SPATA7: variants seen among roughly 807,000 people sequenced by gnomAD.
SPATA7 encodes spermatogenesis associated 7.
In SPATA7, 43 loss-of-function variants were observed where a neutral mutation model predicts 51.8. The ratio of observed to expected loss-of-function variants is 0.83; its 90% CI spans 0.65 to 1.07. SPATA7 has a LOEUF of 1.07. Among genes scored for constraint, SPATA7 ranks in the 50% least tolerant of loss-of-function variants. The pLI is 0.00. For missense variants in SPATA7, 683 were observed against 701.3 expected (o/e 0.97, Z 0.30); for synonymous variants, 230 against 252.8 (o/e 0.91, Z 0.86).
At chr14:88,421,245 A>G (rs2076633983) in intron 5 of SPATA7, among the ~76,000 whole-genome samples, 1 of 152,186 alleles carries the variant, frequency 6.6e-6, no homozygotes, top group Non-Finnish European at 1.5e-5. Context: ...ACTCAGTGCC[A>G]GGGTTCAGGA....
intron 4 of SPATA7, among the ~76,000 whole-genome samples, chr14:88,396,791 T>G (rs935930611): frequency 6.6e-6 from 1 of 152,206 alleles, no homozygotes; most frequent in Admixed American, 6.5e-5. Flanking sequence ...TGGGTGTATA[T>G]TTAGAAGTGG....
At chr14:88,399,825 A>G (rs111354160) in intron 4 of SPATA7, among the ~76,000 whole-genome samples, 6,294 of 152,306 alleles carry the variant, frequency 0.041, 175 homozygotes, top group South Asian at 0.1. Flanking sequence ...AGAACTCCTA[A>G]ATATATCATG....
rs140192398 is a variant in SPATA7 at position 88,438,050 on chromosome 14, G to A, written c.1428G>A (p.Ser476=). 4.3e-5 allele frequency: 70 copies of A among 1,613,962 alleles called. No individual in the cohort carries two copies. The highest frequency in any genetic ancestry group is 5.7e-5 in the Non-Finnish European group (67 of 1,179,980). Residue 476 remains serine (S), a synonymous_variant, in exon 12 of 12, where the codon TCG becomes TCA. Coordinates refer to ENST00000393545, the MANE Select transcript of SPATA7 (RefSeq NM_018418.5). The part of the protein sequence containing the change: ...QYQKALDMLL[S]APKDENEIFP... ...AAAAGGCTTTGGATATGTTATTGTC[G>A]GCACCAAAGGATGAGAACGAGATAT...
intron 5 of SPATA7, among the ~76,000 whole-genome samples, chr14:88,421,428 A>T (rs1489768761): frequency 6.6e-6 from 1 of 152,196 alleles, no homozygotes; most frequent in East Asian, 1.9e-4. Context: ...TGCTTACCAA[A>T]TACCAAGGCT....
intron 4 of SPATA7, among the ~76,000 whole-genome samples, chr14:88,464,815 A>G (rs1451015753): frequency 6.6e-6 from 1 of 152,222 alleles, no homozygotes; most frequent in Non-Finnish European, 1.5e-5. Context: ...TGCTCTTGGC[A>G]AGCTGCAGCT....
chr14:88,426,709 G>T lies in SPATA7; in HGVS notation c.845+5G>T, dbSNP rs1184757122. 1.2e-6 allele frequency: 2 copies of T among 1,602,934 alleles called. No individual in the cohort carries two copies. The highest frequency in any genetic ancestry group is 4.5e-5 in the East Asian group (2 of 44,806). ...TGAAACCCAGACTGAATTAAGGTATGACACATCAGCAACCAACAGTAAATC... is the reference window on the plus strand; with the variant it reads ...TGAAACCCAGACTGAATTAAGGTATTACACATCAGCAACCAACAGTAAATC... On this transcript the variant is annotated splice_donor_5th_base_variant and intron_variant, in intron 6 of 11. Transcript: ENST00000393545.
At chr14:88,393,330 CTTGT>C (rs1354108983) in intron 2 of SPATA7, 59 bp from the exon 3 acceptor site, 12 of 1,114,760 alleles carry the variant, frequency 1.1e-5, no homozygotes, top group Middle Eastern at 2.9e-4. Flanking sequence ...TAATCAGTGC[CTTGT>C]TTATCTCATG....
At chr14:88,412,577 C>A (rs1047472131) in intron 4 of SPATA7, among the ~76,000 whole-genome samples, 3 of 152,166 alleles carry the variant, frequency 2.0e-5, no homozygotes, top group Non-Finnish European at 4.4e-5. Context: ...CTTCCCCAAC[C>A]CACTGACTCA....
At chr14:88,441,457 TC>T, downstream of SPATA7, among the ~76,000 whole-genome samples, 1 of 152,312 alleles carries the variant, frequency 6.6e-6, no homozygotes, top group East Asian at 1.9e-4. Context: ...TAGTATACAT[TC>T]CCACTAACAG....
intron 3 of SPATA7, among the ~76,000 whole-genome samples, chr14:88,395,670 A>G (rs1371686778): frequency 6.6e-6 from 1 of 151,982 alleles, no homozygotes; most frequent in African/African-American, 2.4e-5. Flanking sequence ...CCATTTGTTG[A>G]AGAGGTTATC....
intron 4 of SPATA7, among the ~76,000 whole-genome samples, chr14:88,460,368 T>G (rs1324449105): frequency 2.0e-5 from 3 of 151,794 alleles, no homozygotes; most frequent in Non-Finnish European, 4.4e-5. Context: ...AATTTGGTCT[T>G]TTCACATAGT....
At chr14:88,438,502 C>A, downstream of SPATA7, 4 of 1,134,584 alleles carry the variant, frequency 3.5e-6, no homozygotes, top group Non-Finnish European at 5.2e-6. Context: ...TATAAGATTT[C>A]TCTATTGGTT....
chr14:88,469,703 A>G lies in SPATA7; in HGVS notation c.255-144A>G. ...TTGTGCCTGGAACCAAGTCGTGGCC[A>G]GTACCTAAAGCTCTTCTCCCTTCCA... On this transcript the variant is annotated intron_variant, in intron 4 of 4. Transcript: ENST00000556406. This position sits in a 1 kb window ranked among gnomAD's most constrained non-coding sequence, Gnocchi z 4.3. 1 of 1,614,222 alleles carries G rather than the reference A, an allele frequency of 6.2e-7. No individual in the cohort carries two copies.
At chr14:88,465,232 C>T (rs535695184) in intron 4 of SPATA7, among the ~76,000 whole-genome samples, 12 of 152,220 alleles carry the variant, frequency 7.9e-5, no homozygotes, top group African/African-American at 2.6e-4. Context: ...TTTGGGAGGC[C>T]GAGGCAGACA....
downstream of SPATA7, among the ~76,000 whole-genome samples, chr14:88,443,227 G>C (rs915300291): frequency 1.3e-5 from 2 of 152,166 alleles, no homozygotes; most frequent in Non-Finnish European, 1.5e-5. Flanking sequence ...ACAGGCGTGA[G>C]CCACTGTGCC....
intron 10 of SPATA7, among the ~76,000 whole-genome samples, chr14:88,434,203 G>GA (rs1449687065): frequency 1.3e-5 from 2 of 152,076 alleles, no homozygotes; most frequent in Admixed American, 6.6e-5. Flanking sequence ...AAGATTATAA[G>GA]ACTGTTTATT....
chr14:88,422,938 A>G (rs1178482519), intron 5 of SPATA7, among the ~76,000 whole-genome samples: 1 of 152,170 alleles, frequency 6.6e-6, no homozygotes, highest in Non-Finnish European at 1.5e-5. Context: ...AAAGGCTGCT[A>G]TAGTTAAAAT....
At chr14:88,458,100 T>G (rs994335927), downstream of SPATA7, among the ~76,000 whole-genome samples, 7 of 152,146 alleles carry the variant, frequency 4.6e-5, no homozygotes, top group African/African-American at 1.7e-4. Context: ...GTGGATAAGC[T>G]TTTTGATGTG....
At chr14:88,423,883 G>A (rs1007100262) in intron 5 of SPATA7, among the ~76,000 whole-genome samples, 54 of 152,130 alleles carry the variant, frequency 3.5e-4, no homozygotes, top group Non-Finnish European at 6.9e-4. Context: ...TTAAAAATCC[G>A]ACAATTGGAA....
Sources: gnomAD v4.1 joint callset for allele counts (sites outside exome capture counted in the v4.1 genomes callset) on GRCh38, gnomAD v4.1.1 for gene constraint, Gnocchi (gnomAD v3.1) non-coding constraint, MANE v1.5 for transcripts, NCBI Gene and HGNC (gene_info 2026-07-23, HGNC 2026-07-21) for gene names.